Variants in RPS6KC1 observed in about 807,000 individuals in gnomAD.
RPS6KC1 encodes inactive ribosomal protein S6 kinase delta-1.
Under a neutral mutation model 103.8 loss-of-function variants are expected in RPS6KC1, and 54 were observed. That is an observed-to-expected ratio of 0.52 (90% CI 0.42 to 0.65). RPS6KC1 has a LOEUF of 0.65. Ranked by LOEUF, RPS6KC1 falls within the 30% of genes least tolerant of loss-of-function variation. The pLI is 0.00. For missense variants in RPS6KC1, 1,151 were observed against 1,253.8 expected, an observed-to-expected ratio of 0.92 and a Z score of 1.24; for synonymous variants, 439 against 438.7, an observed-to-expected ratio of 1.00 and a Z score of -0.01.
At chr1:213,345,491 A>G in the RPS6KC1 span, among the ~76,000 whole-genome samples, 1 of 152,208 alleles carries the variant, frequency 6.6e-6, no homozygotes, top group East Asian at 1.9e-4. Flanking sequence ...GAAAAAATTT[A>G]CAGATCATCT....
At chr1:213,691,913 C>T in the RPS6KC1 span, among the ~76,000 whole-genome samples, 1 of 152,178 alleles carries the variant, frequency 6.6e-6, no homozygotes, top group Non-Finnish European at 1.5e-5. Flanking sequence ...GGACAAGCGA[C>T]GCAGAAGAGG....
intron 8 of RPS6KC1, among the ~76,000 whole-genome samples, chr1:213,218,469 C>T (rs2093731478): frequency 6.6e-6 from 1 of 152,104 alleles, no homozygotes; most frequent in Admixed American, 6.5e-5. Flanking sequence ...AGATTCAATG[C>T]CATCCTCATC....
At chr1:213,155,561 A>G (rs538456924) in intron 6 of RPS6KC1, among the ~76,000 whole-genome samples, 3 of 151,966 alleles carry the variant, frequency 2.0e-5, no homozygotes, top group South Asian at 2.1e-4. Context: ...AGTACCTCAC[A>G]GTTGCTGTGT....
At chr1:213,807,112 C>T in the RPS6KC1 span, among the ~76,000 whole-genome samples, 1 of 152,348 alleles carries the variant, frequency 6.6e-6, no homozygotes, top group East Asian at 1.9e-4. Flanking sequence ...TTGGCCCCCA[C>T]TCTCTTCTGG....
At chr1:213,855,685 C>T in the RPS6KC1 span, among the ~76,000 whole-genome samples, 3 of 152,174 alleles carry the variant, frequency 2.0e-5, no homozygotes, top group Non-Finnish European at 4.4e-5. Flanking sequence ...CAGTGCTAGC[C>T]AAGAGCTGGC....
the RPS6KC1 span, among the ~76,000 whole-genome samples, chr1:213,666,972 C>T: frequency 1.3e-5 from 2 of 152,204 alleles, no homozygotes; most frequent in African/African-American, 2.4e-5. Context: ...AGACCCAAGA[C>T]GTATGGAGGA....
At chr1:213,848,043 C>T in the RPS6KC1 span, among the ~76,000 whole-genome samples, 2 of 152,080 alleles carry the variant, frequency 1.3e-5, no homozygotes, top group East Asian at 3.9e-4. Context: ...TATAACGACA[C>T]AATATTGAGT....
At chr1:213,055,502 A>G (rs2077263965) in intron 1 of RPS6KC1, among the ~76,000 whole-genome samples, 1 of 152,192 alleles carries the variant, frequency 6.6e-6, no homozygotes, top group East Asian at 1.9e-4. Context: ...CAGTTTTTGG[A>G]CATTATGAAT....
chr1:213,687,030 A>T, the RPS6KC1 span, among the ~76,000 whole-genome samples: 3 of 150,888 alleles, frequency 2.0e-5, no homozygotes, highest in African/African-American at 7.3e-5. Context: ...TATCATTAGT[A>T]TATAATGAGC....
the RPS6KC1 span, among the ~76,000 whole-genome samples, chr1:213,291,397 A>T: frequency 0.97 from 148,034 of 152,326 alleles, 72,086 homozygotes; most frequent in East Asian, 1. Context: ...CCTTACAGCA[A>T]CTTCGCTAAC....
At chr1:213,338,593 A>C in the RPS6KC1 span, among the ~76,000 whole-genome samples, 1 of 152,172 alleles carries the variant, frequency 6.6e-6, no homozygotes, top group Non-Finnish European at 1.5e-5. Context: ...CTCCAAAAGA[A>C]TAGATTGGAG....
the RPS6KC1 span, among the ~76,000 whole-genome samples, chr1:213,822,740 T>C: frequency 6.6e-6 from 1 of 152,206 alleles, no homozygotes; most frequent in African/African-American, 2.4e-5. Context: ...CTTCTCTTTC[T>C]CCAACATGTT....
At chr1:213,660,184 A>T in the RPS6KC1 span, among the ~76,000 whole-genome samples, 1 of 152,246 alleles carries the variant, frequency 6.6e-6, no homozygotes, top group Admixed American at 6.5e-5. Flanking sequence ...ATTTTGTAAT[A>T]AATGTGTGAG....
chr1:213,772,761 ATCT>A, the RPS6KC1 span, among the ~76,000 whole-genome samples: 6 of 152,144 alleles, frequency 3.9e-5, no homozygotes, highest in Admixed American at 6.6e-5. Flanking sequence ...GCTCCGGGAC[ATCT>A]TCTTGATGGG....
intron 12 of RPS6KC1, among the ~76,000 whole-genome samples, chr1:213,243,006 C>CT (rs552276964): frequency 5.3e-5 from 8 of 151,522 alleles, no homozygotes; most frequent in Non-Finnish European, 8.8e-5. Context: ...TTCTTTCTTT[C>CT]TTTTTTTTGA....
chr1:213,751,480 C>T, the RPS6KC1 span, among the ~76,000 whole-genome samples: 8 of 152,180 alleles, frequency 5.3e-5, no homozygotes, highest in African/African-American at 1.7e-4. Flanking sequence ...CATTCTGTCA[C>T]TCCTATCTCC....
chr1:213,812,203 A>C, the RPS6KC1 span, among the ~76,000 whole-genome samples: 1 of 152,232 alleles, frequency 6.6e-6, no homozygotes, highest in African/African-American at 2.4e-5. Flanking sequence ...GGAGGGAGGG[A>C]AAAGGAAAGA....
chr1:213,407,189 A>G, the RPS6KC1 span, among the ~76,000 whole-genome samples: 1 of 150,956 alleles, frequency 6.6e-6, no homozygotes, highest in African/African-American at 2.4e-5. Flanking sequence ...TGGGATATAG[A>G]GTGTATGTGT....
the RPS6KC1 span, among the ~76,000 whole-genome samples, chr1:213,330,118 T>G: frequency 6.6e-6 from 1 of 152,186 alleles, no homozygotes; most frequent in Non-Finnish European, 1.5e-5. Flanking sequence ...CTTTTAACTT[T>G]AAACAGCTCA....
Sources: gnomAD v4.1 joint callset for allele counts (sites outside exome capture counted in the v4.1 genomes callset) on GRCh38, gnomAD v4.1.1 for gene constraint, MANE v1.5 for transcripts, NCBI Gene and HGNC (gene_info 2026-07-23, HGNC 2026-07-21) for gene names.